FHL5: variants seen among roughly 807,000 people sequenced by gnomAD.
FHL5 encodes the protein four and a half LIM domains protein 5.
In FHL5, 33 loss-of-function variants were observed where a neutral mutation model predicts 32.0. The ratio of observed to expected loss-of-function variants is 1.03; its 90% CI spans 0.78 to 1.38. The LOEUF (loss-of-function observed/expected upper bound fraction) is 1.38, where lower values mean the gene tolerates loss of function less well. FHL5 is among the 40% of genes most tolerant of loss of function. The pLI is 0.00. For missense variants in FHL5, 336 were observed against 343.9 expected, an observed-to-expected ratio of 0.98 and a Z score of 0.18; for synonymous variants, 114 against 113.6, an observed-to-expected ratio of 1.00 and a Z score of -0.02.
At chr6:96,595,349 T>C (rs1771013970) in intron 1 of FHL5, among the ~76,000 whole-genome samples, 1 of 151,802 alleles carries the variant, frequency 6.6e-6, no homozygotes, top group African/African-American at 2.4e-5. Flanking sequence ...GTTGGTGTTT[T>C]AGACATTTTT....
At chr6:96,567,336 C>T (rs1006960417) in intron 1 of FHL5, among the ~76,000 whole-genome samples, 1 of 151,902 alleles carries the variant, frequency 6.6e-6, no homozygotes, top group Non-Finnish European at 1.5e-5. Flanking sequence ...TATTATGCTC[C>T]ATTGTTCTAT....
intron 1 of FHL5, among the ~76,000 whole-genome samples, chr6:96,587,350 TC>T (rs1770820548): frequency 6.6e-6 from 1 of 152,124 alleles, no homozygotes. Flanking sequence ...CTTAAAAAAG[TC>T]CTTAAAGGGC....
At chr6:96,568,360 A>C (rs1770405602) in intron 1 of FHL5, among the ~76,000 whole-genome samples, 1 of 151,830 alleles carries the variant, frequency 6.6e-6, no homozygotes, top group Admixed American at 6.6e-5. Flanking sequence ...AGATTGGTTC[A>C]CAAGTATTTT....
rs1465170210 is a variant in FHL5 at position 96,618,379 on chromosome 6, A to G, written c.*2607A>G. Reference sequence around the variant, plus strand: ...AGCAGAGACTGCCGAAGAGCAGGAGAAAATAAGATTGCTAAAAGAGAAAGA... The same window carrying G: ...AGCAGAGACTGCCGAAGAGCAGGAGGAAATAAGATTGCTAAAAGAGAAAGA... On this transcript the variant is annotated 3_prime_UTR_variant, in exon 6 of 6. Coordinates refer to ENST00000450218, the MANE Select transcript of FHL5 (RefSeq NM_001322466.2). Among the ~76,000 whole-genome samples the G allele has an allele frequency of 2.6e-5, 4 of 152,218 alleles. No individual in the cohort carries two copies. Among genetic ancestry groups the G allele is most frequent in the Admixed American group, 2.6e-4 (4 of 15,280 alleles).
intron 5 of FHL5, among the ~76,000 whole-genome samples, chr6:96,611,694 T>C (rs113053309): frequency 0.025 from 3,787 of 152,318 alleles, 51 homozygotes; most frequent in Non-Finnish European, 0.03. Context: ...TCTTCAAATA[T>C]GTGGCAAAAT....
intron 1 of FHL5, among the ~76,000 whole-genome samples, chr6:96,601,621 G>C (rs1319486900): frequency 6.6e-6 from 1 of 152,132 alleles, no homozygotes; most frequent in East Asian, 1.9e-4. Context: ...CTCACAAAAT[G>C]GCAGTAGACT....
chr6:96,601,711 G>T (rs3798294), intron 1 of FHL5, among the ~76,000 whole-genome samples: 1 of 152,168 alleles, frequency 6.6e-6, no homozygotes, highest in Non-Finnish European at 1.5e-5. Flanking sequence ...TAATGAAAAC[G>T]ACGTTTTCCA....
chr6:96,597,193 A>G (rs1771053023), intron 1 of FHL5, among the ~76,000 whole-genome samples: 1 of 151,598 alleles, frequency 6.6e-6, no homozygotes, highest in South Asian at 2.1e-4. Context: ...CTCTTTATAT[A>G]TATAATATAT....
At chr6:96,581,148 G>C (rs910895762) in intron 1 of FHL5, among the ~76,000 whole-genome samples, 2 of 152,014 alleles carry the variant, frequency 1.3e-5, no homozygotes, top group African/African-American at 4.8e-5. Context: ...TAAATTCCTG[G>C]ATCCAGGGTT....
chr6:96,575,593 C>T lies in FHL5; in HGVS notation c.-13+12238C>T, dbSNP rs1770567403. Among the ~76,000 whole-genome samples the T allele has an allele frequency of 3.9e-5, 6 of 152,184 alleles. No homozygotes were observed. The South Asian group carries it at 1.2e-3, about 32-fold the overall frequency. ...ATGGAGTAAGGGAAACAATGTGGCT[C>T]CACATGAAGTGCCTTTTGCCCAGTT... On this transcript the variant is annotated intron_variant, in intron 1 of 5. Transcript: ENST00000450218.
chr6:96,566,753 C>A (rs1223610519), intron 1 of FHL5, among the ~76,000 whole-genome samples: 1 of 151,686 alleles, frequency 6.6e-6, no homozygotes, highest in African/African-American at 2.4e-5. Context: ...TGATTAATGA[C>A]ATTGACCATT....
At chr6:96,587,225 T>TG (rs909652854) in intron 1 of FHL5, among the ~76,000 whole-genome samples, 2 of 152,194 alleles carry the variant, frequency 1.3e-5, no homozygotes, top group African/African-American at 4.8e-5. Context: ...ACAATGCCCC[T>TG]GCTCATTTCT....
intron 1 of FHL5, among the ~76,000 whole-genome samples, chr6:96,564,036 G>A (rs141523440): frequency 4.6e-5 from 7 of 152,218 alleles, no homozygotes; most frequent in African/African-American, 1.4e-4. Context: ...ATGTGTTAAT[G>A]CTTTCTCTCT....
chr6:96,612,908 T>TA (rs1431866190), intron 5 of FHL5, among the ~76,000 whole-genome samples: 2 of 152,206 alleles, frequency 1.3e-5, no homozygotes, highest in Non-Finnish European at 2.9e-5. Flanking sequence ...GGAATTCTGA[T>TA]ATTGTCACAC....
chr6:96,565,736 T>A (rs1770342113), intron 1 of FHL5, among the ~76,000 whole-genome samples: 1 of 152,120 alleles, frequency 6.6e-6, no homozygotes. Flanking sequence ...AATATGCTTC[T>A]TGGGCTTGTT....
At chr6:96,594,270 T>C (rs1361729846) in intron 1 of FHL5, among the ~76,000 whole-genome samples, 14 of 87,844 alleles carry the variant, frequency 1.6e-4, no homozygotes, top group Non-Finnish European at 5.5e-5. Flanking sequence ...TATATATATA[T>C]ATATGTATGT....
chr6:96,613,482 C>T (rs775613705), intron 5 of FHL5, among the ~76,000 whole-genome samples: 3 of 152,226 alleles, frequency 2.0e-5, no homozygotes, highest in Non-Finnish European at 2.9e-5. Context: ...CCTGCCCCCA[C>T]TGCTGTGTCA....
At chr6:96,568,819 C>G (rs1464744352) in intron 1 of FHL5, among the ~76,000 whole-genome samples, 1 of 151,812 alleles carries the variant, frequency 6.6e-6, no homozygotes, top group African/African-American at 2.4e-5. Flanking sequence ...GTCTCCTTTT[C>G]ATTCCTGATT....
rs1178592551 is a variant in FHL5, at chr6:96,604,732, T to C, written c.160-18T>C. ...TGTCACAACCACATTTAATTAACTTTTATTTACTGTCTCAAAGGATCTTTG... is the reference window on the plus strand; with the variant it reads ...TGTCACAACCACATTTAATTAACTTCTATTTACTGTCTCAAAGGATCTTTG... On this transcript the variant is annotated intron_variant, in intron 2 of 5. Coordinates refer to ENST00000450218, the MANE Select transcript of FHL5 (RefSeq NM_001322466.2). 1 of 1,589,186 alleles carries C rather than the reference T, an allele frequency of 6.3e-7. No individual in the cohort carries two copies. Among genetic ancestry groups the C allele is most frequent in the Non-Finnish European group, 8.6e-7 (1 of 1,168,250 alleles).
Sources: gnomAD v4.1 joint callset for allele counts (sites outside exome capture counted in the v4.1 genomes callset) on GRCh38, gnomAD v4.1.1 for gene constraint, MANE v1.5 for transcripts, NCBI Gene and HGNC (gene_info 2026-07-23, HGNC 2026-07-21) for gene names.